Variants in ANKRD30B observed in about 807,000 individuals in gnomAD.
ANKRD30B encodes ankyrin repeat domain-containing protein 30B.
In ANKRD30B, 144 loss-of-function variants were observed where a neutral mutation model predicts 202.2. That is an observed-to-expected ratio of 0.71 (90% CI 0.62 to 0.82). The LOEUF is 0.82. Ranked by LOEUF, ANKRD30B falls within the 40% of genes least tolerant of loss-of-function variation. The pLI is 0.00. For synonymous variants in ANKRD30B, 508 were observed against 561.3 expected, an observed-to-expected ratio of 0.91 and a Z score of 1.34; for missense variants, 1,487 against 1,669.1, an observed-to-expected ratio of 0.89 and a Z score of 1.90.
chr18:14,854,655 A>T lies in ANKRD30B; in HGVS notation c.*497A>T, dbSNP rs1271429126. Among the ~76,000 whole-genome samples, 4 of 152,162 alleles carry T rather than the reference A, an allele frequency of 2.6e-5. No homozygotes were observed. The highest frequency in any genetic ancestry group is 9.7e-5 in the African/African-American group (4 of 41,442). ...TAGACAGACAGGAACACTTTTTTATAATTATAAAAACACAAATTTCCTTGT... is the reference window on the plus strand; with the variant it reads ...TAGACAGACAGGAACACTTTTTTATTATTATAAAAACACAAATTTCCTTGT... On this transcript the variant is annotated 3_prime_UTR_variant, in exon 44 of 44. Transcript: ENST00000690538.
chr18:14,806,965 C>T (rs773500053), intron 24 of ANKRD30B, among the ~76,000 whole-genome samples: 1 of 150,970 alleles, frequency 6.6e-6, no homozygotes, highest in Admixed American at 6.6e-5. Flanking sequence ...ACCTTCTCAT[C>T]GTAATTAAAG....
At position 14,810,029 on chromosome 18, in the gene ANKRD30B, A is replaced by T. The variant is rs771325826; in HGVS notation, c.2415+15A>T. ...GTCTTCTGAAGGTAATAACTTTTAT[A>T]TTTTTATCTTGAATATTACCTACAT... On this transcript the variant is annotated intron_variant, in intron 27 of 43. Coordinates refer to ENST00000690538, the MANE Select transcript of ANKRD30B (RefSeq NM_001367607.2). The T allele has an allele frequency of 6.9e-7, 1 of 1,445,944 alleles. No individual in the cohort carries two copies. Among genetic ancestry groups the T allele is most frequent in the East Asian group, 2.3e-5 (1 of 42,924 alleles). The allele number at this position is 1,445,944 out of a possible 1,614,324, so 89.6% of individuals were successfully genotyped here.
rs866291115 is a variant in ANKRD30B, at chr18:14,810,721, T to A, written c.2488+541T>A. ...TGTTTTAGAAGTGTGACTCTAAAGC[T>A]TTTGGCCTTGGTGTCTTTTTATGCT... On this transcript the variant is annotated intron_variant, in intron 28 of 43. Coordinates refer to ENST00000690538, the MANE Select transcript of ANKRD30B (RefSeq NM_001367607.2). 2.8e-4 allele frequency among the ~76,000 whole-genome samples: 43 copies of A among 151,140 alleles called. 2 individuals are homozygous for A. The highest frequency in any genetic ancestry group is 1.0e-3 in the African/African-American group (41 of 40,848).
the ANKRD30B span, among the ~76,000 whole-genome samples, chr18:14,927,789 T>C: frequency 6.6e-6 from 1 of 152,196 alleles, no homozygotes; most frequent in Non-Finnish European, 1.5e-5. Flanking sequence ...CTCAAATATA[T>C]GCAGCTTTTG....
intron 18 of ANKRD30B, 60 bp downstream of exon 18, chr18:14,796,475 C>T (rs187162109): frequency 1.5e-4 from 220 of 1,474,450 alleles, no homozygotes; most frequent in East Asian, 1.3e-3. Flanking sequence ...TTTGAAATGC[C>T]GAGAGGCTTT....
chr18:14,911,298 A>G, the ANKRD30B span, among the ~76,000 whole-genome samples: 2 of 152,036 alleles, frequency 1.3e-5, no homozygotes, highest in African/African-American at 2.4e-5. Context: ...GTTGATTATT[A>G]TATATGGTGA....
At chr18:14,848,527 A>G (rs1330407791) in intron 39 of ANKRD30B, among the ~76,000 whole-genome samples, 189 bp from the exon 40 acceptor site, 25 of 151,876 alleles carry the variant, frequency 1.6e-4, no homozygotes, top group Admixed American at 1.5e-3. Context: ...TTTTCAGTAT[A>G]TTTTAAGCTA....
chr18:14,827,072 G>T lies in ANKRD30B; in HGVS notation c.2744-1206G>T, dbSNP rs552401039. Among the ~76,000 whole-genome samples the T allele has an allele frequency of 2.0e-5, 3 of 152,194 alleles. No individual in the cohort carries two copies. In the East Asian group the frequency reaches 5.8e-4, roughly 30 times the overall value. On this transcript the variant is annotated intron_variant, in intron 32 of 43. Coordinates refer to ENST00000690538, the MANE Select transcript of ANKRD30B (RefSeq NM_001367607.2). ...ATGAATGAGGTAGGAGTTGTCATGT[G>T]GTGTTAGGCTACTAATTATTTCTTG...
the ANKRD30B span, among the ~76,000 whole-genome samples, chr18:14,922,512 G>A: frequency 5.3e-5 from 8 of 151,942 alleles, no homozygotes; most frequent in South Asian, 2.1e-4. Context: ...AAAATTAGCC[G>A]GGCGTGGTGG....
chr18:14,928,102 G>A, the ANKRD30B span, among the ~76,000 whole-genome samples: 1 of 152,198 alleles, frequency 6.6e-6, no homozygotes, highest in East Asian at 1.9e-4. Flanking sequence ...TGAGTAGCTG[G>A]GATTACAGGC....
At chr18:14,780,133 A>ATTTCTTCT in intron 11 of ANKRD30B, 112 bp downstream of exon 11, 1 of 774,760 alleles carries the variant, frequency 1.3e-6, no homozygotes, top group Non-Finnish European at 2.1e-6. Flanking sequence ...TATGCTCAGA[A>ATTTCTTCT]GAAATTCTGA....
At chr18:14,805,058 G>A (rs1170283476) in intron 24 of ANKRD30B, among the ~76,000 whole-genome samples, 12 of 149,888 alleles carry the variant, frequency 8.0e-5, no homozygotes, top group South Asian at 2.1e-4. Context: ...TTACTATGAG[G>A]CATCAAATAT....
intron 15 of ANKRD30B, among the ~76,000 whole-genome samples, chr18:14,789,741 T>C (rs1475885798): frequency 6.6e-6 from 1 of 152,188 alleles, no homozygotes; most frequent in Non-Finnish European, 1.5e-5. Context: ...TTCTGTTCCA[T>C]TGATCTATAT....
intron 5 of ANKRD30B, among the ~76,000 whole-genome samples, chr18:14,758,973 T>G (rs1242994944): frequency 6.6e-6 from 1 of 152,210 alleles, no homozygotes. Context: ...GGGTTCCAAC[T>G]TGTGGTTGTT....
intron 9 of ANKRD30B, among the ~76,000 whole-genome samples, chr18:14,776,562 T>G (rs983117781): frequency 6.6e-6 from 1 of 152,208 alleles, no homozygotes; most frequent in African/African-American, 2.4e-5. Flanking sequence ...TCTTAACAAC[T>G]TAGAATGACT....
chr18:14,840,101 T>C (rs1186739602), intron 36 of ANKRD30B, among the ~76,000 whole-genome samples: 1 of 152,248 alleles, frequency 6.6e-6, no homozygotes, highest in East Asian at 1.9e-4. Context: ...CTACAGAGCA[T>C]ATTTGAGGTT....
Position 14,831,389 on chromosome 18 carries a change from T to G in ANKRD30B, c.2781T>G (p.Phe927Leu). 1.3e-6 allele frequency: 2 copies of G among 1,520,548 alleles called. No individual in the cohort carries two copies. The highest frequency in any genetic ancestry group is 1.8e-6 in the Non-Finnish European group (2 of 1,127,936). 94.2% of individuals were successfully genotyped at this position (1,520,548 alleles called of 1,614,324 possible). A position where few individuals can be genotyped will look rare whatever the true frequency, so the allele number is the denominator to read the frequency against. The change falls in exon 34 of 44, where the codon TTT becomes TTG. Residue 927 changes from phenylalanine to leucine, a missense_variant. Phe to Leu is a conservative substitution (Grantham distance 22). This residue lies in a region of ANKRD30B where 218 missense variants were observed against 320.1 expected (regional missense o/e 0.68). Transcript: ENST00000690538. Reference sequence around the variant, plus strand: ...TTTTATCTTTTTTCTCTAGTCTTTTTGGCAAACCGACTACTGAAAATTCAC... The same window carrying G: ...TTTTATCTTTTTTCTCTAGTCTTTTGGGCAAACCGACTACTGAAAATTCAC... ...VSSVESTFSL[F>L]GKPTTENSQS...
At chr18:14,845,380 G>A (rs1243360050) in intron 39 of ANKRD30B, among the ~76,000 whole-genome samples, 2 of 152,270 alleles carry the variant, frequency 1.3e-5, no homozygotes, top group Non-Finnish European at 2.9e-5. Context: ...TTCCAGTTTT[G>A]TCAAAGATCA....
chr18:14,827,651 A>G (rs1970721752), intron 32 of ANKRD30B, among the ~76,000 whole-genome samples: 1 of 152,188 alleles, frequency 6.6e-6, no homozygotes, highest in South Asian at 2.1e-4. Flanking sequence ...TTCTTTCTAC[A>G]CATACAGCAG....
Sources: allele counts gnomAD v4.1 joint callset (sites outside exome capture counted in the v4.1 genomes callset), GRCh38; gene constraint gnomAD v4.1.1; regional missense constraint gnomAD v4.1.1; transcripts MANE v1.5; gene names NCBI Gene and HGNC (gene_info 2026-07-23, HGNC 2026-07-21).